Variants in PCNX2 observed in about 807,000 individuals in gnomAD.
PCNX2 encodes pecanex 2.
In PCNX2, 168 loss-of-function variants were observed where a neutral mutation model predicts 223.8. The ratio of observed to expected loss-of-function variants is 0.75; its 90% CI spans 0.66 to 0.85. The LOEUF (loss-of-function observed/expected upper bound fraction) is 0.85. Among genes scored for constraint, PCNX2 ranks in the 40% least tolerant of loss-of-function variants. The pLI, the probability that PCNX2 is intolerant of heterozygous loss-of-function variation, is 0.00. For synonymous variants in PCNX2, 1,006 were observed against 1,052.6 expected (o/e 0.96, Z 0.86); for missense variants, 2,507 against 2,675.5 (o/e 0.94, Z 1.39).
chr1:233,314,837 G>A, the PCNX2 span, among the ~76,000 whole-genome samples: 11 of 152,148 alleles, frequency 7.2e-5, no homozygotes, highest in African/African-American at 2.7e-4. Context: ...GATACTTACT[G>A]GAAACTTTCA....
At chr1:233,049,464 T>C (rs944061467) in intron 25 of PCNX2, among the ~76,000 whole-genome samples, 1 of 151,920 alleles carries the variant, frequency 6.6e-6, no homozygotes, top group African/African-American at 2.4e-5. Context: ...CCTCAAGAAA[T>C]GAAGGATAGA....
At chr1:232,989,326 C>T (rs903178341) in intron 32 of PCNX2, among the ~76,000 whole-genome samples, 71 of 152,070 alleles carry the variant, frequency 4.7e-4, no homozygotes, top group Non-Finnish European at 8.4e-4. Flanking sequence ...TGGTGGCGGG[C>T]ACCTGTAGTC....
intron 21 of PCNX2, among the ~76,000 whole-genome samples, chr1:233,099,581 G>A (rs1215891677): frequency 6.6e-6 from 1 of 152,144 alleles, no homozygotes; most frequent in Non-Finnish European, 1.5e-5. Flanking sequence ...CTTACAGTGT[G>A]GAGAGACATG....
intron 12 of PCNX2, among the ~76,000 whole-genome samples, chr1:233,214,910 C>A (rs75041937): frequency 0.047 from 7,151 of 152,200 alleles, 533 homozygotes; most frequent in African/African-American, 0.16. Context: ...ATTTTCATTT[C>A]GCTATCTTCT....
upstream of PCNX2, among the ~76,000 whole-genome samples, chr1:233,297,119 G>A (rs1211574013): frequency 2.0e-5 from 3 of 152,194 alleles, no homozygotes; most frequent in Non-Finnish European, 4.4e-5. Context: ...ACCAGGTGCT[G>A]TATAAGTGTT....
intron 9 of PCNX2, among the ~76,000 whole-genome samples, chr1:233,230,063 T>A (rs1037085419): frequency 2.0e-5 from 3 of 152,200 alleles, no homozygotes; most frequent in African/African-American, 7.2e-5. Flanking sequence ...ATAAACCAAA[T>A]GCTATATGTA....
At chr1:233,056,007 G>T (rs531716817) in intron 24 of PCNX2, among the ~76,000 whole-genome samples, 16 of 152,302 alleles carry the variant, frequency 1.1e-4, no homozygotes, top group Non-Finnish European at 1.6e-4. Context: ...CATGACAGTT[G>T]AAAGCTGAAT....
At chr1:233,189,199 G>A (rs1680281717) in intron 15 of PCNX2, among the ~76,000 whole-genome samples, 1 of 152,234 alleles carries the variant, frequency 6.6e-6, no homozygotes, top group Non-Finnish European at 1.5e-5. Flanking sequence ...AGGCAAGTAA[G>A]CATTCTGTGT....
chr1:233,265,064 C>T (rs1660255942), intron 1 of PCNX2, among the ~76,000 whole-genome samples: 1 of 149,612 alleles, frequency 6.7e-6, no homozygotes, highest in Admixed American at 6.7e-5. Context: ...ATAGTGAGAC[C>T]CCCCCTCCGA....
intron 32 of PCNX2, among the ~76,000 whole-genome samples, chr1:232,992,986 A>G (rs1367461574): frequency 6.6e-6 from 1 of 152,162 alleles, no homozygotes; most frequent in Non-Finnish European, 1.5e-5. Context: ...TTTATAAATT[A>G]CCCAGTCTCA....
rs1659881272 is a variant in PCNX2, at chr1:233,258,752, T to C, written c.1110A>G (p.Leu370=). The C allele has an allele frequency of 1.9e-6, 3 of 1,613,956 alleles. No homozygotes were observed. The highest frequency in any genetic ancestry group is 1.1e-5 in the South Asian group (1 of 91,074). ...DTSQPGDPLS[L]HEPIKIVITM... ...TGATAACAATTTTTATGGGCTCATGTAGACTCAGTGGGTCTCCGGGTTGAG... is the reference window on the plus strand; with the variant it reads ...TGATAACAATTTTTATGGGCTCATGCAGACTCAGTGGGTCTCCGGGTTGAG... The change falls in exon 5 of 34, where the codon CTA becomes CTG. Residue 370 remains leucine (L), a synonymous_variant. Transcript: ENST00000258229.
chr1:233,129,026 T>C (rs1676268780), intron 21 of PCNX2, among the ~76,000 whole-genome samples: 1 of 152,222 alleles, frequency 6.6e-6, no homozygotes, highest in East Asian at 1.9e-4. Context: ...CTGGCCATGC[T>C]TGGGGAGCCC....
intron 23 of PCNX2, among the ~76,000 whole-genome samples, chr1:233,062,222 T>C (rs1672432724): frequency 1.3e-5 from 2 of 152,244 alleles, no homozygotes; most frequent in Admixed American, 1.3e-4. Context: ...CAGTGTTTCT[T>C]CATATCCCAT....
intron 9 of PCNX2, among the ~76,000 whole-genome samples, chr1:233,228,830 T>C (rs1042190352): frequency 9.8e-5 from 15 of 152,332 alleles, no homozygotes; most frequent in South Asian, 4.1e-4. Flanking sequence ...CACTCAGAAA[T>C]AGAATTGCTG....
intron 20 of PCNX2, among the ~76,000 whole-genome samples, chr1:233,138,932 T>C (rs548528476): frequency 2.0e-4 from 30 of 152,240 alleles, no homozygotes; most frequent in Non-Finnish European, 3.7e-4. Context: ...CATGACACCC[T>C]GAAAGGAAGA....
At chr1:233,279,646 G>T (rs1661089205) in intron 1 of PCNX2, among the ~76,000 whole-genome samples, 2 of 151,658 alleles carry the variant, frequency 1.3e-5, no homozygotes. Flanking sequence ...GTATTTGTTT[G>T]TTTTCTTTTA....
intron 14 of PCNX2, 43 bp downstream of exon 14, chr1:233,200,111 C>G: frequency 1.4e-6 from 2 of 1,444,346 alleles, no homozygotes; most frequent in Non-Finnish European, 1.9e-6. Context: ...CTTATCTGAA[C>G]TCTGAATTCC....
intron 15 of PCNX2, among the ~76,000 whole-genome samples, chr1:233,189,998 G>A (rs1680327041): frequency 6.6e-6 from 1 of 152,078 alleles, no homozygotes; most frequent in Non-Finnish European, 1.5e-5. Context: ...ATTAAAAGAG[G>A]AATCAAATTT....
chr1:233,178,218 C>T (rs1279114091), intron 16 of PCNX2, among the ~76,000 whole-genome samples: 1 of 152,190 alleles, frequency 6.6e-6, no homozygotes. Context: ...AAAAAGTGAA[C>T]ATTGCACTAA....
Sources: gnomAD v4.1 joint callset for allele counts (sites outside exome capture counted in the v4.1 genomes callset) on GRCh38, gnomAD v4.1.1 for gene constraint, MANE v1.5 for transcripts, NCBI Gene and HGNC (gene_info 2026-07-23, HGNC 2026-07-21) for gene names.